The following SPATA13 variants were observed in gnomAD, a reference collection of about 807,000 sequenced individuals.
The protein encoded by SPATA13 is spermatogenesis associated 13.
Under a neutral mutation model 104.0 loss-of-function variants are expected in SPATA13, and 50 were observed. The ratio of observed to expected loss-of-function variants is 0.48; its 90% CI spans 0.38 to 0.61. SPATA13 has a LOEUF of 0.61. SPATA13 is among the 20% of genes least tolerant of loss of function. The pLI is 0.00. For missense variants in SPATA13, 1,524 were observed against 1,690.6 expected (o/e 0.90, Z 1.73); for synonymous variants, 606 against 667.5 (o/e 0.91, Z 1.42).
chr13:24,019,183 G>A (rs913631018), intron 3 of SPATA13, among the ~76,000 whole-genome samples: 3 of 149,270 alleles, frequency 2.0e-5, no homozygotes, highest in South Asian at 2.1e-4. Context: ...CCGCCTCCCG[G>A]GTTCACGCCA....
At position 24,205,757 on chromosome 13, in the gene SPATA13, T is replaced by A. The variant is rs1870667106; in HGVS notation, c.-111-17062T>A. Among the ~76,000 whole-genome samples, 1 of 152,048 alleles carries A rather than the reference T, an allele frequency of 6.6e-6. No homozygotes were observed. Among genetic ancestry groups the A allele is most frequent in the Admixed American group, 6.6e-5 (1 of 15,254 alleles). ...AGACAAATAGACAAATGGAACAGAATAGAGAACCCAGAAATAAGATCACAC... is the reference window on the plus strand; with the variant it reads ...AGACAAATAGACAAATGGAACAGAAAAGAGAACCCAGAAATAAGATCACAC... On this transcript the variant is annotated intron_variant, in intron 1 of 12. Coordinates refer to ENST00000382108, the MANE Select transcript of SPATA13 (RefSeq NM_001166271.3). This position sits in a 1 kb window ranked among gnomAD's most constrained non-coding sequence, Gnocchi z 4.1.
chr13:24,010,726 C>T (rs1433840697), intron 2 of SPATA13, among the ~76,000 whole-genome samples: 1 of 152,048 alleles, frequency 6.6e-6, no homozygotes, highest in African/African-American at 2.4e-5. Context: ...CTCCCTCCCT[C>T]CTGCTCCTCC....
chr13:24,255,861 G>A (rs2138671358), intron 4 of SPATA13, among the ~76,000 whole-genome samples: 1 of 152,208 alleles, frequency 6.6e-6, no homozygotes, highest in Non-Finnish European at 1.5e-5. Context: ...AGCTGTAAAA[G>A]CATCATTTTG....
In SPATA13 at chr13:24,190,321, A is replaced by G; in HGVS notation, c.-112+29389A>G. Among the ~76,000 whole-genome samples, 2 of 6,002 alleles carry G rather than the reference A, an allele frequency of 3.3e-4. 1 individual carries two copies. Among genetic ancestry groups the G allele is most frequent in the African/African-American group, 3.8e-4 (2 of 5,320 alleles). The allele number at this position is 6,002 out of a possible 152,430, so 3.9% of individuals were successfully genotyped here. A position where few individuals can be genotyped will look rare whatever the true frequency, so the allele number is the denominator to read the frequency against. On this transcript the variant is annotated intron_variant, in intron 1 of 12. Transcript: ENST00000382108. ...TATATTATTATATATAATATATAAT[A>G]TTATATATTATTATATATAATATAT... is the stretch of plus-strand genomic sequence containing the variant.
At chr13:24,116,367 G>A (rs918395710) in intron 3 of SPATA13, among the ~76,000 whole-genome samples, 16 of 152,178 alleles carry the variant, frequency 1.1e-4, no homozygotes, top group African/African-American at 3.9e-4. Flanking sequence ...GCTGCTAACT[G>A]CAGCTGCCAT....
intron 3 of SPATA13, among the ~76,000 whole-genome samples, chr13:24,057,211 C>T (rs1460231610): frequency 1.3e-5 from 2 of 151,912 alleles, no homozygotes; most frequent in Non-Finnish European, 2.9e-5. Context: ...AAGTATATCT[C>T]CTAAAGCTAT....
At chr13:24,087,839 G>A (rs1343372990) in intron 3 of SPATA13, among the ~76,000 whole-genome samples, 1 of 152,146 alleles carries the variant, frequency 6.6e-6, no homozygotes, top group Non-Finnish European at 1.5e-5. Context: ...CACAGCCTAG[G>A]TGGAGCTGCC....
At chr13:24,012,935 G>T (rs929187565) in intron 2 of SPATA13, among the ~76,000 whole-genome samples, 11 of 152,148 alleles carry the variant, frequency 7.2e-5, no homozygotes, top group African/African-American at 2.7e-4. Context: ...GGCACACCTA[G>T]GCCACAACTC....
intron 3 of SPATA13, among the ~76,000 whole-genome samples, chr13:24,067,895 G>T (rs1388521801): frequency 1.3e-5 from 2 of 152,068 alleles, no homozygotes; most frequent in Non-Finnish European, 2.9e-5. Flanking sequence ...GTAGACATGG[G>T]GTTTCACCAT....
chr13:24,002,932 A>G (rs1395283473), intron 2 of SPATA13, among the ~76,000 whole-genome samples: 1 of 152,022 alleles, frequency 6.6e-6, no homozygotes, highest in African/African-American at 2.4e-5. Flanking sequence ...AAGTGGCTCA[A>G]TGAAATATTT....
chr13:24,275,064 T>G (rs1168442715), intron 4 of SPATA13, among the ~76,000 whole-genome samples: 1 of 152,146 alleles, frequency 6.6e-6, no homozygotes, highest in Non-Finnish European at 1.5e-5. Context: ...TCCTGATGTC[T>G]TCTCTAACTG....
chr13:24,141,437 G>A (rs576150412), intron 3 of SPATA13, among the ~76,000 whole-genome samples: 108 of 152,236 alleles, frequency 7.1e-4, no homozygotes, highest in Non-Finnish European at 1.5e-3. Flanking sequence ...GCCTTTTCCT[G>A]CTTCCCTCCC....
chr13:24,055,853 C>T (rs774052777), intron 3 of SPATA13, among the ~76,000 whole-genome samples: 1 of 152,220 alleles, frequency 6.6e-6, no homozygotes, highest in Non-Finnish European at 1.5e-5. Context: ...CCGAGGAGTC[C>T]AATCCACCAC....
intron 2 of SPATA13, among the ~76,000 whole-genome samples, chr13:24,016,975 C>T (rs1298772767): frequency 6.6e-6 from 1 of 152,200 alleles, no homozygotes; most frequent in Non-Finnish European, 1.5e-5. Flanking sequence ...GTGTGATGAA[C>T]ACCAAGTGGG....
chr13:24,280,418 G>T (rs1322255403), intron 4 of SPATA13, among the ~76,000 whole-genome samples: 1 of 151,736 alleles, frequency 6.6e-6, no homozygotes, highest in East Asian at 1.9e-4. Flanking sequence ...TCAGTTCTTC[G>T]AGGAGAAAGC....
At chr13:24,080,349 A>G (rs1319088221) in intron 3 of SPATA13, among the ~76,000 whole-genome samples, 2 of 152,268 alleles carry the variant, frequency 1.3e-5, no homozygotes, top group Admixed American at 6.5e-5. Context: ...GGCTGTGAAG[A>G]GAATAAGCAG....
intron 2 of SPATA13, among the ~76,000 whole-genome samples, chr13:24,230,437 A>G (rs968921536): frequency 3.3e-5 from 5 of 152,188 alleles, no homozygotes; most frequent in Non-Finnish European, 5.9e-5. Context: ...GGGGAGGGAC[A>G]GTGGAGTGGG....
At chr13:24,019,740 C>T (rs1027637243) in intron 3 of SPATA13, among the ~76,000 whole-genome samples, 2 of 152,020 alleles carry the variant, frequency 1.3e-5, no homozygotes, top group Non-Finnish European at 2.9e-5. Flanking sequence ...TTGAAATACT[C>T]GTTGGAATCC....
chr13:24,272,132 G>A (rs1566183513), intron 4 of SPATA13, among the ~76,000 whole-genome samples: 1 of 152,204 alleles, frequency 6.6e-6, no homozygotes, highest in East Asian at 1.9e-4. Flanking sequence ...CTTGAGCAGG[G>A]GCGTGTTCAT....
Sources: gnomAD v4.1 joint callset for allele counts (sites outside exome capture counted in the v4.1 genomes callset) on GRCh38, gnomAD v4.1.1 for gene constraint, Gnocchi (gnomAD v3.1) non-coding constraint, MANE v1.5 for transcripts, NCBI Gene and HGNC (gene_info 2026-07-23, HGNC 2026-07-21) for gene names.